SASH1: variants seen among roughly 807,000 people sequenced by gnomAD.
SASH1 encodes SAM and SH3 domain-containing protein 1.
In SASH1, 44 loss-of-function variants were observed where a neutral mutation model predicts 125.2. The observed-to-expected ratio is 0.35, with a 90% CI of 0.28 to 0.45. The LOEUF is 0.45. SASH1 is among the 20% of genes least tolerant of loss of function. The pLI is 1.00. For synonymous variants in SASH1, 639 were observed against 649.1 expected, an observed-to-expected ratio of 0.98 and a Z score of 0.24; for missense variants, 1,426 against 1,614.5, an observed-to-expected ratio of 0.88 and a Z score of 2.00.
chr6:148,394,721 C>G (rs111723900), intron 2 of SASH1, among the ~76,000 whole-genome samples: 2 of 151,922 alleles, frequency 1.3e-5, no homozygotes, highest in African/African-American at 4.8e-5. Flanking sequence ...CTCAGCTCAC[C>G]GCAATTTCTG....
At chr6:148,265,723 C>T in the SASH1 span, among the ~76,000 whole-genome samples, 1 of 152,200 alleles carries the variant, frequency 6.6e-6, no homozygotes, top group African/African-American at 2.4e-5. Context: ...AAAAAGCCAT[C>T]TGAGACCTGT....
At chr6:148,294,412 C>T (rs957342925) in intron 1 of SASH1, among the ~76,000 whole-genome samples, 3 of 152,146 alleles carry the variant, frequency 2.0e-5, no homozygotes, top group Admixed American at 1.3e-4. Context: ...ATGACTGAAC[C>T]TCTCAGTAGG....
At chr6:148,449,318 C>CTGA (rs1370136634) in intron 4 of SASH1, among the ~76,000 whole-genome samples, 1 of 151,680 alleles carries the variant, frequency 6.6e-6, no homozygotes, top group Admixed American at 6.6e-5. Flanking sequence ...GATCCACCTG[C>CTGA]CTCAGCCCCC....
chr6:148,318,774 A>G (rs1780551567), intron 1 of SASH1, among the ~76,000 whole-genome samples: 1 of 151,862 alleles, frequency 6.6e-6, no homozygotes, highest in Admixed American at 6.6e-5. Flanking sequence ...GATGGTCTCG[A>G]TCTCTTGACC....
intron 1 of SASH1, among the ~76,000 whole-genome samples, chr6:148,307,068 C>CTTTCTTTCTTTCTT (rs1780156179): frequency 2.0e-5 from 3 of 146,434 alleles, no homozygotes; most frequent in African/African-American, 7.8e-5. Context: ...TTCTTTCTTT[C>CTTTCTTTCTTTCTT]TTTCTTTCTT....
intron 2 of SASH1, among the ~76,000 whole-genome samples, chr6:148,417,936 A>G (rs1013375869): frequency 1.3e-5 from 2 of 152,214 alleles, no homozygotes; most frequent in African/African-American, 2.4e-5. Context: ...TGAACCAGAA[A>G]GCGCTACAGA....
chr6:148,332,454 G>T (rs977146142), intron 1 of SASH1, among the ~76,000 whole-genome samples: 3 of 152,146 alleles, frequency 2.0e-5, no homozygotes, highest in Non-Finnish European at 2.9e-5. Flanking sequence ...AAAATGTGTT[G>T]TTGTCGTCTG....
intron 4 of SASH1, among the ~76,000 whole-genome samples, chr6:148,462,030 CTTTT>C (rs57679608): frequency 0.089 from 13,245 of 149,306 alleles, 641 homozygotes; most frequent in Middle Eastern, 0.14. Context: ...ATGTGTCAGG[CTTTT>C]TTTTTTAAAT....
chr6:148,516,088 G>C (rs1238608290), intron 9 of SASH1, among the ~76,000 whole-genome samples: 2 of 152,150 alleles, frequency 1.3e-5, no homozygotes, highest in African/African-American at 4.8e-5. Flanking sequence ...CAATGGAAAA[G>C]GAAAAATATA....
chr6:148,212,929 A>G, the SASH1 span, among the ~76,000 whole-genome samples: 1 of 152,188 alleles, frequency 6.6e-6, no homozygotes, highest in South Asian at 2.1e-4. Flanking sequence ...GGGACGGTAG[A>G]GCAGCAAGCA....
chr6:148,380,781 G>A (rs760290640), intron 1 of SASH1, among the ~76,000 whole-genome samples: 3 of 152,190 alleles, frequency 2.0e-5, no homozygotes, highest in Non-Finnish European at 2.9e-5. Context: ...AGAGCCTTTC[G>A]TTCCAAAGAG....
rs907962602 is a variant in SASH1, at chr6:148,406,908, C to T, written c.285+16646C>T. ...AGAATCAGGCTCTCCAAGGGAGGAG[C>T]AGAGAGAATCAGCCTCTCCAAGGGA... On this transcript the variant is annotated intron_variant, in intron 2 of 19. Transcript: ENST00000367467. Among the ~76,000 whole-genome samples, 5 of 150,984 alleles carry T rather than the reference C, an allele frequency of 3.3e-5. No homozygotes were observed. The East Asian group carries it at 9.7e-4, about 29-fold the overall frequency.
At chr6:148,276,124 G>T (rs940255059) in intron 1 of SASH1, among the ~76,000 whole-genome samples, 1 of 152,300 alleles carries the variant, frequency 6.6e-6, no homozygotes, top group Non-Finnish European at 1.5e-5. Context: ...ATTTCCAGTT[G>T]TGTGGTCTTG....
Position 148,470,590 on chromosome 6 carries a change from C to G in SASH1, c.428-827C>G, listed in dbSNP as rs75192031. Among the ~76,000 whole-genome samples, 579 of 152,298 alleles carry G rather than the reference C, an allele frequency of 3.8e-3. 5 individuals carry two copies. Among genetic ancestry groups the G allele is most frequent in the African/African-American group, 0.013 (535 of 41,560 alleles). ...TCGCTTTGCTTTTAAAAAGGTATTACGTGTTATCAATGATCGGAACCCTAC... is the reference window on the plus strand; with the variant it reads ...TCGCTTTGCTTTTAAAAAGGTATTAGGTGTTATCAATGATCGGAACCCTAC... On this transcript the variant is annotated intron_variant, in intron 5 of 19. Coordinates refer to ENST00000367467, the MANE Select transcript of SASH1 (RefSeq NM_015278.5).
rs760967659 is a variant in SASH1, at chr6:148,534,911, T to C, written c.2095+10T>C. ...TTACAAGAGTATGACAGTAAGTCCC[T>C]GTATGCACAGAGGTGTTCCCTGTGA... is the stretch of plus-strand genomic sequence containing the variant. On this transcript the variant is annotated intron_variant, in intron 16 of 19. Transcript: ENST00000367467. 6.2e-7 allele frequency: 1 copy of C among 1,614,020 alleles called. No homozygotes were observed. Among genetic ancestry groups the C allele is most frequent in the Admixed American group, 1.7e-5 (1 of 60,028 alleles).
intron 1 of SASH1, among the ~76,000 whole-genome samples, chr6:148,351,083 A>G (rs2114664867): frequency 6.6e-6 from 1 of 152,162 alleles, no homozygotes; most frequent in African/African-American, 2.4e-5. Flanking sequence ...AAGTCATGTA[A>G]TACAGACATC....
In SASH1 at chr6:148,514,458, TAAAAAAAAAAAAAAAA is replaced by T. The variant is rs10710533; in HGVS notation, c.862+15_862+30del. Reference sequence around the variant, plus strand: ...AAATGAAAAAACCCAGCACTGAAGGTAAAAAAAAAAAAAAAAAAAAAAAAAAAAGGCAGACTCCACC... The same window carrying T: ...AAATGAAAAAACCCAGCACTGAAGGTAAAAAAAAAAAAGGCAGACTCCACC... On this transcript the variant is annotated splice_donor_5th_base_variant and intron_variant, in intron 9 of 19. Coordinates refer to ENST00000367467, the MANE Select transcript of SASH1 (RefSeq NM_015278.5). 37 of 573,358 alleles carry T rather than the reference TAAAAAAAAAAAAAAAA, an allele frequency of 6.5e-5. No individual in the cohort carries two copies. The highest frequency in any genetic ancestry group is 7.0e-5 in the Non-Finnish European group (34 of 482,752). 35.5% of individuals were successfully genotyped at this position (573,358 alleles called of 1,614,324 possible). A position where few individuals can be genotyped will look rare whatever the true frequency, so the allele number is the denominator to read the frequency against.
intron 1 of SASH1, among the ~76,000 whole-genome samples, chr6:148,279,546 C>A (rs186744089): frequency 6.6e-6 from 1 of 152,160 alleles, no homozygotes; most frequent in Non-Finnish European, 1.5e-5. Flanking sequence ...TACACAAAAA[C>A]ACTTCCTAGA....
chr6:148,317,276 C>T (rs1236232701), intron 1 of SASH1, among the ~76,000 whole-genome samples: 2 of 152,162 alleles, frequency 1.3e-5, no homozygotes, highest in Non-Finnish European at 2.9e-5. Context: ...AAATTTGGTC[C>T]AATAAAGAGC....
Sources: allele counts gnomAD v4.1 joint callset (sites outside exome capture counted in the v4.1 genomes callset), GRCh38; gene constraint gnomAD v4.1.1; transcripts MANE v1.5; gene names NCBI Gene and HGNC (gene_info 2026-07-23, HGNC 2026-07-21).